The following NEB variants were observed in gnomAD, a reference collection of about 807,000 sequenced individuals.
NEB encodes the protein nemaline myopathy type 2.
A neutral mutation model predicts 952.2 loss-of-function variants in NEB; 512 were observed. The observed-to-expected ratio is 0.54, with a 90% CI of 0.50 to 0.58. The LOEUF (loss-of-function observed/expected upper bound fraction) is 0.58. NEB is among the 20% of genes least tolerant of loss of function. The pLI, the probability that NEB is intolerant of heterozygous loss-of-function variation, is 0.00. For synonymous variants in NEB, 2,900 were observed against 3,149.8 expected (o/e 0.92, Z 2.66); for missense variants, 8,428 against 9,231.1 (o/e 0.91, Z 3.56).
At chr2:151,577,375 A>G (rs1237963224) in intron 105 of NEB, among the ~76,000 whole-genome samples, 1 of 152,100 alleles carries the variant, frequency 6.6e-6, no homozygotes, top group Non-Finnish European at 1.5e-5. Flanking sequence ...CATGTTGGTC[A>G]CCCTGAAGGA....
chr2:151,574,068 G>A (rs1456908707), intron 107 of NEB, among the ~76,000 whole-genome samples: 1 of 152,104 alleles, frequency 6.6e-6, no homozygotes, highest in Non-Finnish European at 1.5e-5. Context: ...CCGCCTCCTG[G>A]GTTTCACGCC....
At chr2:151,620,339 ATG>A (rs371405720) in intron 72 of NEB, among the ~76,000 whole-genome samples, 3,751 of 72,558 alleles carry the variant, frequency 0.052, 232 homozygotes, top group East Asian at 0.061. Context: ...ATATATATGT[ATG>A]TGTGTGTATA....
intron 129 of NEB, among the ~76,000 whole-genome samples, chr2:151,551,072 A>T (rs2095301313): frequency 1.3e-5 from 2 of 151,762 alleles, no homozygotes; most frequent in African/African-American, 4.8e-5. Context: ...GGTTCAAAAG[A>T]TTCTCCTGCC....
chr2:151,720,064 C>A (rs982140324), intron 9 of NEB, among the ~76,000 whole-genome samples: 1 of 151,946 alleles, frequency 6.6e-6, no homozygotes, highest in African/African-American at 2.4e-5. Context: ...GTCCTAATTT[C>A]TCAGGAACCT....
intron 124 of NEB, among the ~76,000 whole-genome samples, chr2:151,558,837 C>T (rs964939377): frequency 6.6e-6 from 1 of 152,068 alleles, no homozygotes; most frequent in African/African-American, 2.4e-5. Context: ...GACCTAAAAC[C>T]ATAAAAACCC....
intron 13 of NEB, among the ~76,000 whole-genome samples, chr2:151,698,716 C>A: frequency 6.7e-6 from 1 of 149,954 alleles, no homozygotes; most frequent in African/African-American, 2.5e-5. Context: ...CGGCTCACTG[C>A]AAGCTCTGCC....
chr2:151,552,683 G>T lies in NEB; in HGVS notation c.19825C>A (p.Gln6609Lys). The change falls in exon 128 of 182, where the codon CAG becomes AAG. Residue 6609 changes from glutamine (Q) to lysine (K), a missense_variant. Gln to Lys is a moderately conservative substitution (Grantham distance 53). Around this residue, in one of 11 missense-constraint regions of NEB, gnomAD observed 3,374 missense variants for 3,651.5 expected, o/e 0.92. Coordinates refer to ENST00000397345, the MANE Select transcript of NEB (RefSeq NM_001164508.2). Reference sequence around the variant, plus strand: ...CAGTGATCACTTACGTCACTTAGCTGTTTCCCACTTTTGACAGCCTGCACG... The same window carrying T: ...CAGTGATCACTTACGTCACTTAGCTTTTTCCCACTTTTGACAGCCTGCACG... ...VYVQAVKSGK[Q>K]LSDAVYHYDY... 6.2e-7 allele frequency: 1 copy of T among 1,611,908 alleles called. No homozygotes were observed. Among genetic ancestry groups the T allele is most frequent in the Non-Finnish European group, 8.5e-7 (1 of 1,178,530 alleles).
intron 62 of NEB, 119 bp downstream of exon 62, chr2:151,639,738 C>T: frequency 1.2e-6 from 1 of 825,384 alleles, no homozygotes; most frequent in Non-Finnish European, 1.9e-6. Context: ...CCAATAGATA[C>T]ATAGACAGAT....
intron 23 of NEB, 96 bp from the exon 24 acceptor site, chr2:151,690,921 T>G: frequency 1.1e-6 from 1 of 889,482 alleles, no homozygotes; most frequent in African/African-American, 1.7e-5. Context: ...CAGAGTTTAT[T>G]TTGTTCCTGA....
At chr2:151,494,393 G>A (rs1574809945) in intron 173 of NEB, 140 bp from the exon 174 acceptor site, 1 of 537,276 alleles carries the variant, frequency 1.9e-6, no homozygotes. Flanking sequence ...AAAGTAGTAT[G>A]TTTCCTAAGG....
chr2:151,553,884 G>T lies in NEB; in HGVS notation c.19570C>A (p.His6524Asn). The change falls in exon 126 of 182, where the codon CAC (histidine) becomes AAC (asparagine). Residue 6524 changes from histidine to asparagine, a missense_variant. Physicochemically the swap from His to Asn is moderately conservative, Grantham distance 68. This residue lies in a region of NEB where 3,374 missense variants were observed against 3,651.5 expected (regional missense o/e 0.92). Transcript: ENST00000397345. Reference protein sequence around the residue: ...YRLRLHEWICHPDLQVNDHVR... With the variant: ...YRLRLHEWICNPDLQVNDHVR... Reference sequence around the variant, plus strand: ...TGATCATTGACTTGCAAGTCGGGGTGGCAAATCCATTCGTGGAGGCGCAGG... The same window carrying T: ...TGATCATTGACTTGCAAGTCGGGGTTGCAAATCCATTCGTGGAGGCGCAGG... The T allele has an allele frequency of 6.2e-7, 1 of 1,613,830 alleles. No homozygotes were observed. Among genetic ancestry groups the T allele is most frequent in the Non-Finnish European group, 8.5e-7 (1 of 1,179,786 alleles).
Position 151,567,296 on chromosome 2 carries a change from AGACT to A in NEB, c.18024_18027del (p.Val6009TrpfsTer67), listed in dbSNP as rs748358450. ...AGGGTCTGCCCCTGCTTGGCGGCCA[AGACT>A]GACACCATATCAGCAGGTATATTGA... On this transcript the variant is annotated frameshift_variant, in exon 114 of 182. Transcript: ENST00000397345. LOFTEE classifies it high-confidence loss of function. 5.6e-6 allele frequency: 9 copies of A among 1,613,958 alleles called. No homozygotes were observed. Among genetic ancestry groups the A allele is most frequent in the Non-Finnish European group, 7.6e-6 (9 of 1,179,858 alleles).
Position 151,674,475 on chromosome 2 carries a change from A to C in NEB, c.3987+2T>G, listed in dbSNP as rs768285760. ...TAAACTTCACCTAAAATTTGTACTC[A>C]CATCACTGGCAATGTTTCTCGATGC... On this transcript the variant is annotated splice_donor_variant, in intron 36 of 181. Coordinates refer to ENST00000397345, the MANE Select transcript of NEB (RefSeq NM_001164508.2). LOFTEE classifies it high-confidence loss of function. 58 of 1,611,898 alleles carry C rather than the reference A, an allele frequency of 3.6e-5. No homozygotes were observed. Among genetic ancestry groups the C allele is most frequent in the Non-Finnish European group, 4.4e-5 (52 of 1,178,052 alleles).
chr2:151,620,444 CT>C (rs1290454182), intron 72 of NEB, among the ~76,000 whole-genome samples: 1 of 143,176 alleles, frequency 7.0e-6, no homozygotes, highest in Non-Finnish European at 1.5e-5. Context: ...AATTTTACTA[CT>C]CTTGGATTAA....
rs1416120328 is a variant in NEB at position 151,666,191 on chromosome 2, C to T, written c.4930G>A (p.Ala1644Thr). 3 of 1,613,846 alleles carry T rather than the reference C, an allele frequency of 1.9e-6. No individual in the cohort carries two copies. The highest frequency in any genetic ancestry group is 2.5e-6 in the Non-Finnish European group (3 of 1,179,860). The change falls in exon 41 of 182, where the codon GCC (alanine) becomes ACC (threonine). Residue 1644 changes from alanine to threonine, a missense_variant. By Grantham distance (58) the Ala-to-Thr change is moderately conservative (BLOSUM62 0). This residue lies in a region of NEB where 2,851 missense variants were observed against 2,791.5 expected (regional missense o/e 1.02). Transcript: ENST00000397345. The stretch of plus-strand genomic sequence containing the variant: ...GACTGTCTGTAGTTGGCGTTGGTGG[C>T]AACCTCCTGAGATTTCTTTGCAGCT... ...VTAAKKSQEV[A>T]TNANYRQSYH...
At chr2:151,616,803 GTACTC>G (rs1204760712) in intron 75 of NEB, among the ~76,000 whole-genome samples, 3 of 152,284 alleles carry the variant, frequency 2.0e-5, no homozygotes, top group East Asian at 3.9e-4. Flanking sequence ...ATTTTAAAAT[GTACTC>G]TATTCTGTTT....
Position 151,538,151 on chromosome 2 carries a change from C to T in NEB, c.20986G>A (p.Asp6996Asn). ...DIVYHRKVTD[D>N]ISKIKYKENY... ...ATTTAGGGACATACTTTACTGATGT[C>T]ATCTGTGACTTTGCGATGATAGACA... Residue 6996 changes from aspartate (D) to asparagine (N), a missense_variant, in exon 139 of 182, where the codon GAC (aspartate) becomes AAC (asparagine). By Grantham distance (23) the Asp-to-Asn change is conservative (BLOSUM62 1). This residue lies in a region of NEB where 3,374 missense variants were observed against 3,651.5 expected (regional missense o/e 0.92). Coordinates refer to ENST00000397345, the MANE Select transcript of NEB (RefSeq NM_001164508.2). The T allele has an allele frequency of 5.0e-6, 8 of 1,606,948 alleles. No individual in the cohort carries two copies. The highest frequency in any genetic ancestry group is 6.8e-6 in the Non-Finnish European group (8 of 1,173,786).
rs760128591 is a variant in NEB at position 151,569,409 on chromosome 2, G to A, written c.17431-37C>T. 3 of 1,476,742 alleles carry A rather than the reference G, an allele frequency of 2.0e-6. No homozygotes were observed. In the African/African-American group the frequency reaches 4.2e-5, roughly 20 times the overall value. The allele number at this position is 1,476,742 out of a possible 1,614,324, so 91.5% of individuals were successfully genotyped here. Reference sequence around the variant, plus strand: ...GGGCCAGAATGAGTTCAGCAACCCTGGTCATGTGGTCCTAGTTAGCCTATC... The same window carrying A: ...GGGCCAGAATGAGTTCAGCAACCCTAGTCATGTGGTCCTAGTTAGCCTATC... On this transcript the variant is annotated intron_variant, in intron 109 of 181. Transcript: ENST00000397345.
chr2:151,655,789 C>T, intron 50 of NEB, 28 bp downstream of exon 50: 3 of 1,606,450 alleles, frequency 1.9e-6, no homozygotes, highest in Non-Finnish European at 2.6e-6. Context: ...CACGTGGGAG[C>T]TGTGTGGACG....
Sources: gnomAD v4.1 joint callset for allele counts (sites outside exome capture counted in the v4.1 genomes callset) on GRCh38, gnomAD v4.1.1 for gene constraint, gnomAD v4.1.1 regional missense constraint, MANE v1.5 for transcripts, NCBI Gene and HGNC (gene_info 2026-07-23, HGNC 2026-07-21) for gene names.